DGKD: variants seen among roughly 807,000 people sequenced by gnomAD.
DGKD encodes the protein DAG kinase delta.
DGKD carries 68 observed loss-of-function variants against 154.4 expected under a neutral mutation model. The observed-to-expected ratio is 0.44, with a 90% confidence interval of 0.36 to 0.54. DGKD has a LOEUF of 0.54. Ranked by LOEUF, DGKD falls within the 20% of genes least tolerant of loss-of-function variation. The pLI is 0.00. For synonymous variants in DGKD, 693 were observed against 638.0 expected (o/e 1.09, Z -1.30); for missense variants, 1,343 against 1,593.6 (o/e 0.84, Z 2.68).
chr2:233,382,758 TTAAC>T (rs1702964644), intron 1 of DGKD, among the ~76,000 whole-genome samples: 1 of 152,118 alleles, frequency 6.6e-6, no homozygotes, highest in Admixed American at 6.5e-5. Context: ...CTTATATTGA[TTAAC>T]TATATTTTTC....
chr2:233,399,343 C>T (rs1354710754), intron 3 of DGKD, among the ~76,000 whole-genome samples: 5 of 152,188 alleles, frequency 3.3e-5, no homozygotes, highest in Non-Finnish European at 7.3e-5. Flanking sequence ...ATGATTTGGG[C>T]CCTGCCCCTC....
chr2:233,390,480 T>A lies in DGKD; in HGVS notation c.345T>A (p.Phe115Leu). The change falls in exon 3 of 30, where the codon TTT (phenylalanine) becomes TTA (leucine). Residue 115 changes from phenylalanine to leucine, a missense_variant. By Grantham distance (22) the Phe-to-Leu change is conservative. This residue lies in a region of DGKD where 332 missense variants were observed against 400.1 expected (regional missense o/e 0.83). Coordinates refer to ENST00000264057, the MANE Select transcript of DGKD (RefSeq NM_152879.3). ...ESSTKNVNNS[F>L]TVITPCRKLI... is the part of the protein sequence containing the mutation. ...GTACCAAAAACGTCAACAACAGTTT[T>A]ACGGTAAGATTCCTCAGTCATGCCT... 1 of 1,613,450 alleles carries A rather than the reference T, an allele frequency of 6.2e-7. No homozygotes were observed. Among genetic ancestry groups the A allele is most frequent in the Non-Finnish European group, 8.5e-7 (1 of 1,179,396 alleles).
At position 233,438,778 on chromosome 2, in the gene DGKD, CTATCTATCTATCT is replaced by C. The variant is rs1559549816; in HGVS notation, c.1085+400_1085+412del. Among the ~76,000 whole-genome samples the C allele has an allele frequency of 6.5e-3, 984 of 151,578 alleles. 15 individuals are homozygous for C. Among genetic ancestry groups the C allele is most frequent in the African/African-American group, 0.023 (937 of 41,224 alleles). ...ATCATCTATCTATCTATCTATCTAT[CTATCTATCTATCT>C]ATCTATCTATCTATCTATCTATCTG... On this transcript the variant is annotated intron_variant, in intron 9 of 29. Coordinates refer to ENST00000264057, the MANE Select transcript of DGKD (RefSeq NM_152879.3). The surrounding 1 kb of genome is among the most constrained non-coding windows in gnomAD (Gnocchi z 4.1).
chr2:233,453,788 G>A (rs1349232501), intron 18 of DGKD, among the ~76,000 whole-genome samples: 1 of 152,230 alleles, frequency 6.6e-6, no homozygotes, highest in Non-Finnish European at 1.5e-5. Context: ...GCAGCTGGGG[G>A]AGCTGCAGGA....
Position 233,445,027 on chromosome 2 carries a change from C to T in DGKD, c.1195-596C>T, listed in dbSNP as rs1165819093. On this transcript the variant is annotated intron_variant, in intron 10 of 29. Transcript: ENST00000264057. This position sits in a 1 kb window ranked among gnomAD's most constrained non-coding sequence, Gnocchi z 5.5. Reference sequence around the variant, plus strand: ...ATGGGAATCCAGGTGGAGGGTGAGGCCTGAGTAATGCATGAGGTCTCTTCC... The same window carrying T: ...ATGGGAATCCAGGTGGAGGGTGAGGTCTGAGTAATGCATGAGGTCTCTTCC... 1.3e-5 allele frequency among the ~76,000 whole-genome samples: 2 copies of T among 152,024 alleles called. No individual in the cohort carries two copies. Among genetic ancestry groups the T allele is most frequent in the African/African-American group, 4.8e-5 (2 of 41,384 alleles).
chr2:233,450,776 C>T, intron 16 of DGKD, 146 bp from the exon 17 acceptor site: 1 of 1,031,912 alleles, frequency 9.7e-7, no homozygotes, highest in Non-Finnish European at 1.4e-6. Flanking sequence ...CCGCCCCCTT[C>T]TTTGTCCCAC....
intron 6 of DGKD, 51 bp downstream of exon 6, chr2:233,435,975 G>C (rs1480632129): frequency 6.6e-7 from 1 of 1,525,894 alleles, no homozygotes; most frequent in East Asian, 2.3e-5. Flanking sequence ...TCCCCCACCT[G>C]CACGGCCCCA....
At position 233,445,066 on chromosome 2, in the gene DGKD, A is replaced by G. The variant is rs1005209308; in HGVS notation, c.1195-557A>G. The stretch of plus-strand genomic sequence containing the variant: ...GAGGTCTCTTCCTGGAACAGCAGGC[A>G]GGCGGGCAGAGGCTGAGCTCTGGCA... On this transcript the variant is annotated intron_variant, in intron 10 of 29. Transcript: ENST00000264057. The surrounding 1 kb of genome is among the most constrained non-coding windows in gnomAD (Gnocchi z 5.5). Among the ~76,000 whole-genome samples the G allele has an allele frequency of 1.1e-4, 17 of 152,172 alleles. No individual in the cohort carries two copies. The highest frequency in any genetic ancestry group is 4.1e-4 in the African/African-American group (17 of 41,442).
chr2:233,461,244 T>C (rs911248577), intron 24 of DGKD, among the ~76,000 whole-genome samples: 9 of 152,224 alleles, frequency 5.9e-5, no homozygotes, highest in African/African-American at 2.2e-4. Flanking sequence ...GGCCGCACGC[T>C]GGCTGGTGCC....
chr2:233,366,367 G>C (rs935403559), intron 1 of DGKD, among the ~76,000 whole-genome samples: 4 of 152,172 alleles, frequency 2.6e-5, no homozygotes, highest in Non-Finnish European at 5.9e-5. Flanking sequence ...GGCGATGGGG[G>C]AAGTAGCTGG....
intron 3 of DGKD, among the ~76,000 whole-genome samples, chr2:233,420,539 A>G (rs1023953734): frequency 1.3e-5 from 2 of 152,080 alleles, no homozygotes; most frequent in Non-Finnish European, 2.9e-5. Flanking sequence ...TACTTTTTTG[A>G]TAAGTGTGTG....
Position 233,458,442 on chromosome 2 carries a change from G to T in DGKD, c.2694+45G>T. ...GGTGTCTGGCCGAGTCCCCAGCCCGGAGTGTGCTAAATTCTGGGGCAGTGC... is the reference window on the plus strand; with the variant it reads ...GGTGTCTGGCCGAGTCCCCAGCCCGTAGTGTGCTAAATTCTGGGGCAGTGC... On this transcript the variant is annotated intron_variant, in intron 22 of 29. Coordinates refer to ENST00000264057, the MANE Select transcript of DGKD (RefSeq NM_152879.3). The surrounding 1 kb of genome is among the most constrained non-coding windows in gnomAD (Gnocchi z 6.6). 6.7e-7 allele frequency: 1 copy of T among 1,491,616 alleles called. No homozygotes were observed. Among genetic ancestry groups the T allele is most frequent in the Non-Finnish European group, 9.2e-7 (1 of 1,086,766 alleles). The allele number at this position is 1,491,616 out of a possible 1,614,324, so 92.4% of individuals were successfully genotyped here. A position where few individuals can be genotyped will look rare whatever the true frequency, so the allele number is the denominator to read the frequency against.
At position 233,446,766 on chromosome 2, in the gene DGKD, C is replaced by T. The variant is rs767446963; in HGVS notation, c.1389C>T (p.Thr463=). The change falls in exon 12 of 30, where the codon ACC becomes ACT. Residue 463 remains threonine (T), a synonymous_variant. Coordinates refer to ENST00000264057, the MANE Select transcript of DGKD (RefSeq NM_152879.3). ...AKLPRQASSS[T]VTEDFSEDSE... is the part of the protein sequence containing the mutation. ...TCCCCCGGCAGGCCTCCTCCTCTACCGTCACCGAAGACTTCAGCGAGGATT... is the reference window on the plus strand; with the variant it reads ...TCCCCCGGCAGGCCTCCTCCTCTACTGTCACCGAAGACTTCAGCGAGGATT... 89 of 1,614,110 alleles carry T rather than the reference C, an allele frequency of 5.5e-5. No homozygotes were observed. The highest frequency in any genetic ancestry group is 1.6e-4 in the Middle Eastern group (1 of 6,084).
chr2:233,429,264 C>A, intron 3 of DGKD: 3 of 985,368 alleles, frequency 3.0e-6, no homozygotes, highest in Non-Finnish European at 3.6e-6. Context: ...TATCCTGTTG[C>A]ATGACTCCTA....
chr2:233,452,031 T>C lies in DGKD; in HGVS notation c.2235T>C (p.Ala745=). ...TCATCAGTCGCCTGTTAATTAATGCTGATCCCTTCAACTCTGAACCAGAAA... is the reference window on the plus strand; with the variant it reads ...TCATCAGTCGCCTGTTAATTAATGCCGATCCCTTCAACTCTGAACCAGAAA... The part of the protein sequence containing the change: ...GSVISRLLIN[A]DPFNSEPETL... Residue 745 remains alanine, a synonymous_variant, in exon 18 of 30, where the codon GCT becomes GCC. Coordinates refer to ENST00000264057, the MANE Select transcript of DGKD (RefSeq NM_152879.3). The surrounding 1 kb of genome is among the most constrained non-coding windows in gnomAD (Gnocchi z 4.0). The C allele has an allele frequency of 6.2e-7, 1 of 1,614,132 alleles. No individual in the cohort carries two copies. The highest frequency in any genetic ancestry group is 1.7e-5 in the Admixed American group (1 of 60,010).
intron 6 of DGKD, 85 bp downstream of exon 6, chr2:233,436,009 C>T (rs2062681622): frequency 2.2e-6 from 3 of 1,342,424 alleles, no homozygotes; most frequent in Non-Finnish European, 3.1e-6. Context: ...CCTGCCCTCC[C>T]TGCCACTGTT....
intron 28 of DGKD, among the ~76,000 whole-genome samples, chr2:233,467,706 T>A (rs2063867349): frequency 6.6e-6 from 1 of 152,088 alleles, no homozygotes; most frequent in Non-Finnish European, 1.5e-5. Context: ...GGAGCTAAAC[T>A]CTCTGTCTGA....
rs2063736876 is a variant in DGKD, at chr2:233,463,643, CCACGCATGTCCTCACTG to C, written c.3187-513_3187-497del. On this transcript the variant is annotated intron_variant, in intron 26 of 29. Coordinates refer to ENST00000264057, the MANE Select transcript of DGKD (RefSeq NM_152879.3). Reference sequence around the variant, plus strand: ...TCCTCACTCCACGCATCTCCTCACTCCACGCATGTCCTCACTGCACGCATCTCCTCACTCCACGCATC... The same window carrying C: ...TCCTCACTCCACGCATCTCCTCACTCCACGCATCTCCTCACTCCACGCATC... Among the ~76,000 whole-genome samples, 3 of 145,818 alleles carry C rather than the reference CCACGCATGTCCTCACTG, an allele frequency of 2.1e-5. 1 individual carries two copies. In the South Asian group the frequency reaches 6.6e-4, roughly 32 times the overall value.
At chr2:233,462,602 C>T (rs765977175) in intron 25 of DGKD, 41 bp from the exon 26 acceptor site, 23 of 1,590,754 alleles carry the variant, frequency 1.4e-5, no homozygotes, top group Non-Finnish European at 1.7e-5. Context: ...CGTGCATGTT[C>T]GGCCCCCCGC....
Sources: gnomAD v4.1 joint callset for allele counts (sites outside exome capture counted in the v4.1 genomes callset) on GRCh38, gnomAD v4.1.1 for gene constraint, gnomAD v4.1.1 regional missense constraint, Gnocchi (gnomAD v3.1) non-coding constraint, MANE v1.5 for transcripts, NCBI Gene and HGNC (gene_info 2026-07-23, HGNC 2026-07-21) for gene names.